Variants in NCS1 observed in about 807,000 individuals in gnomAD.
NCS1 encodes frequenin homolog.
Under a neutral mutation model 28.4 loss-of-function variants are expected in NCS1, and 6 were observed. The observed-to-expected ratio is 0.21, with a 90% confidence interval of 0.12 to 0.42. The LOEUF is 0.42. Among genes scored for constraint, NCS1 ranks in the 10% least tolerant of loss-of-function variants. The pLI is 1.00. For missense variants in NCS1, 131 were observed against 241.4 expected (o/e 0.54, Z 3.03); for synonymous variants, 86 against 99.3 (o/e 0.87, Z 0.79).
rs868964 is a variant in NCS1 at position 130,209,541 on chromosome 9, G to A, written c.90-8291G>A. 0.1 allele frequency among the ~76,000 whole-genome samples: 15,710 copies of A among 152,202 alleles called. 876 individuals are homozygous for A. The highest frequency in any genetic ancestry group is 0.14 in the African/African-American group (5,838 of 41,526). On this transcript the variant is annotated intron_variant, in intron 2 of 7. Coordinates refer to ENST00000372398, the MANE Select transcript of NCS1 (RefSeq NM_014286.4). This position sits in a 1 kb window ranked among gnomAD's most constrained non-coding sequence, Gnocchi z 4.4. ...ACCTACTCTATGCCAGGCCAGTGCCGGTTGCGGGCGGGCATCCGGGACTGA... is the reference window on the plus strand; with the variant it reads ...ACCTACTCTATGCCAGGCCAGTGCCAGTTGCGGGCGGGCATCCGGGACTGA...
chr9:130,221,223 C>T (rs1554910219), intron 4 of NCS1, among the ~76,000 whole-genome samples: 1 of 150,918 alleles, frequency 6.6e-6, no homozygotes, highest in Non-Finnish European at 1.5e-5. Flanking sequence ...GGGGTTTCGC[C>T]ATGTTGGCCA....
At chr9:130,203,873 C>T (rs906202813) in intron 2 of NCS1, among the ~76,000 whole-genome samples, 2 of 152,190 alleles carry the variant, frequency 1.3e-5, no homozygotes, top group South Asian at 2.1e-4. Flanking sequence ...GAGTTCCCCC[C>T]GGCGTCCTCC....
chr9:130,201,897 G>A (rs1393110850), intron 2 of NCS1, among the ~76,000 whole-genome samples: 1 of 152,160 alleles, frequency 6.6e-6, no homozygotes, highest in African/African-American at 2.4e-5. Flanking sequence ...CCTCCTTCTA[G>A]ATCTTCACCC....
intron 4 of NCS1, among the ~76,000 whole-genome samples, chr9:130,222,091 T>TAAA: frequency 1.8e-5 from 1 of 56,898 alleles, no homozygotes; most frequent in Non-Finnish European, 3.6e-5. Context: ...AATATATATA[T>TAAA]GTGTGTGTGT....
chr9:130,208,797 A>G (rs1429833929), intron 2 of NCS1, among the ~76,000 whole-genome samples: 5 of 152,168 alleles, frequency 3.3e-5, no homozygotes, highest in Admixed American at 2.0e-4. Flanking sequence ...CGTGCGGAGA[A>G]TACGAGGAGC....
In NCS1 at chr9:130,177,901, C is replaced by A. The variant is rs1291468948; in HGVS notation, c.64+5174C>A. Among the ~76,000 whole-genome samples the A allele has an allele frequency of 6.6e-6, 1 of 152,226 alleles. No individual in the cohort carries two copies. ...TCTGGCCCCTTCCTTGGGCAAACCT[C>A]CTCTCACCGGCTTCACTTTCCGCCT... On this transcript the variant is annotated intron_variant, in intron 1 of 7. Coordinates refer to ENST00000372398, the MANE Select transcript of NCS1 (RefSeq NM_014286.4). The surrounding 1 kb of genome is among the most constrained non-coding windows in gnomAD (Gnocchi z 4.4).
At position 130,234,922 on chromosome 9, in the gene NCS1, T is replaced by A. The variant is rs964733468; in HGVS notation, c.*1950T>A. 1.3e-5 allele frequency: 2 copies of A among 152,150 alleles called. No individual in the cohort carries two copies. The highest frequency in any genetic ancestry group is 2.9e-5 in the Non-Finnish European group (2 of 68,060). 9.4% of individuals were successfully genotyped at this position (152,150 alleles called of 1,614,324 possible). A position where few individuals can be genotyped will look rare whatever the true frequency, so the allele number is the denominator to read the frequency against. On this transcript the variant is annotated 3_prime_UTR_variant, in exon 8 of 8. Coordinates refer to ENST00000372398, the MANE Select transcript of NCS1 (RefSeq NM_014286.4). The surrounding 1 kb of genome is among the most constrained non-coding windows in gnomAD (Gnocchi z 6.1). ...AGAGTCAACAGCCCATCAGCCCATG[T>A]TTTAGAGGGGACACTTTGGTCCTCG...
intron 1 of NCS1, among the ~76,000 whole-genome samples, chr9:130,195,809 G>C (rs1421144420): frequency 6.6e-6 from 1 of 152,216 alleles, no homozygotes; most frequent in Non-Finnish European, 1.5e-5. Context: ...ACAAAGGCCT[G>C]GAGGCTGGAA....
intron 1 of NCS1, among the ~76,000 whole-genome samples, chr9:130,194,518 C>G (rs539932829): frequency 2.0e-5 from 3 of 152,140 alleles, no homozygotes; most frequent in Non-Finnish European, 4.4e-5. Context: ...GATGCCCAGC[C>G]CCCCCTCTCC....
In NCS1 at chr9:130,181,801, G is replaced by T. The variant is rs117032810; in HGVS notation, c.64+9074G>T. Among the ~76,000 whole-genome samples, 3 of 152,146 alleles carry T rather than the reference G, an allele frequency of 2.0e-5. No individual in the cohort carries two copies. Among genetic ancestry groups the T allele is most frequent in the African/African-American group, 7.2e-5 (3 of 41,436 alleles). Reference sequence around the variant, plus strand: ...GGCAAGTCCCGATTCACGTGGGCACGCTCCGAGCGTGAGTGACGGGGTCAT... The same window carrying T: ...GGCAAGTCCCGATTCACGTGGGCACTCTCCGAGCGTGAGTGACGGGGTCAT... On this transcript the variant is annotated intron_variant, in intron 1 of 7. Coordinates refer to ENST00000372398, the MANE Select transcript of NCS1 (RefSeq NM_014286.4). The surrounding 1 kb of genome is among the most constrained non-coding windows in gnomAD (Gnocchi z 5.0).
chr9:130,203,699 GA>G (rs1432475711), intron 2 of NCS1, among the ~76,000 whole-genome samples: 2 of 152,190 alleles, frequency 1.3e-5, no homozygotes, highest in African/African-American at 4.8e-5. Flanking sequence ...CAGGGAAGAG[GA>G]CGAGGTTTGT....
chr9:130,225,972 C>T (rs1004278421), intron 6 of NCS1, among the ~76,000 whole-genome samples: 3 of 152,182 alleles, frequency 2.0e-5, no homozygotes, highest in Non-Finnish European at 2.9e-5. Flanking sequence ...TGGGCTGCTC[C>T]AGGAGCAGTT....
intron 2 of NCS1, among the ~76,000 whole-genome samples, chr9:130,208,808 G>T (rs1833068211): frequency 1.3e-5 from 2 of 152,230 alleles, no homozygotes; most frequent in South Asian, 2.1e-4. Context: ...TACGAGGAGC[G>T]GCCCCATTTT....
At chr9:130,178,162 G>A (rs1044961781) in intron 1 of NCS1, among the ~76,000 whole-genome samples, 4 of 152,180 alleles carry the variant, frequency 2.6e-5, no homozygotes, top group Admixed American at 1.3e-4. Context: ...GCTGCGCCTG[G>A]CCATGAGGGG....
rs530044394 is a variant in NCS1, at chr9:130,215,366, C to A, written c.90-2466C>A. Among the ~76,000 whole-genome samples, 1 of 152,140 alleles carries A rather than the reference C, an allele frequency of 6.6e-6. No individual in the cohort carries two copies. The highest frequency in any genetic ancestry group is 1.5e-5 in the Non-Finnish European group (1 of 68,028). ...CTGCTGTGGGAAGGGACTTGAGATC[C>A]GTGTGCTTTGCTTCCTTCTTGCTTG... On this transcript the variant is annotated intron_variant, in intron 2 of 7. Coordinates refer to ENST00000372398, the MANE Select transcript of NCS1 (RefSeq NM_014286.4). The surrounding 1 kb of genome is among the most constrained non-coding windows in gnomAD (Gnocchi z 4.2).
At position 130,198,180 on chromosome 9, in the gene NCS1, G is replaced by A. The variant is rs535315063; in HGVS notation, c.65-2778G>A. Among the ~76,000 whole-genome samples, 302 of 152,308 alleles carry A rather than the reference G, an allele frequency of 2.0e-3. 2 individuals carry two copies. The highest frequency in any genetic ancestry group is 6.9e-3 in the African/African-American group (286 of 41,564). Reference sequence around the variant, plus strand: ...GCTGATCACCCAGGGTTCTGTGGGGGGACCTTTCCAATGGGGGGAGCCCTA... The same window carrying A: ...GCTGATCACCCAGGGTTCTGTGGGGAGACCTTTCCAATGGGGGGAGCCCTA... On this transcript the variant is annotated intron_variant, in intron 1 of 7. Transcript: ENST00000372398.
rs1234548661 is a variant in NCS1 at position 130,219,079 on chromosome 9, T to C, written c.229-646T>C. ...GGTAGCTTGTGTCACCTCCGGGCAG[T>C]GGCTGCACGGATAGCTGTTGGGTTA... On this transcript the variant is annotated intron_variant, in intron 3 of 7. Transcript: ENST00000372398. The surrounding 1 kb of genome is among the most constrained non-coding windows in gnomAD (Gnocchi z 5.7). 1.3e-5 allele frequency among the ~76,000 whole-genome samples: 2 copies of C among 152,172 alleles called. No homozygotes were observed. The highest frequency in any genetic ancestry group is 2.4e-5 in the African/African-American group (1 of 41,428).
At chr9:130,208,488 G>C (rs1294628439) in intron 2 of NCS1, among the ~76,000 whole-genome samples, 6 of 152,060 alleles carry the variant, frequency 3.9e-5, no homozygotes, top group Non-Finnish European at 8.8e-5. Context: ...CGTTGGCCAG[G>C]CTGGTCTCAA....
intron 2 of NCS1, among the ~76,000 whole-genome samples, chr9:130,203,700 A>ACG (rs1251092613): frequency 6.6e-6 from 1 of 152,102 alleles, no homozygotes; most frequent in African/African-American, 2.4e-5. Context: ...AGGGAAGAGG[A>ACG]CGAGGTTTGT....
Sources: gnomAD v4.1 joint callset for allele counts (sites outside exome capture counted in the v4.1 genomes callset) on GRCh38, gnomAD v4.1.1 for gene constraint, Gnocchi (gnomAD v3.1) non-coding constraint, MANE v1.5 for transcripts, NCBI Gene and HGNC (gene_info 2026-07-23, HGNC 2026-07-21) for gene names.